The following ZNF140 variants were observed in gnomAD, a reference collection of about 807,000 sequenced individuals.
The protein encoded by ZNF140 is zinc finger protein 140, also known as zinc finger protein 140 (clone pHZ-39).
ZNF140 carries 13 observed loss-of-function variants against 12.9 expected under a neutral mutation model. That is an observed-to-expected ratio of 1.01 (90% CI 0.66 to 1.60). The LOEUF is 1.60. Ranked by LOEUF, ZNF140 falls within the 40% of genes most tolerant of loss-of-function variation. The pLI, the probability that ZNF140 is intolerant of heterozygous loss-of-function variation, is 0.00. For synonymous variants in ZNF140, 214 were observed against 186.7 expected (o/e 1.15, Z -1.19); for missense variants, 531 against 548.8 (o/e 0.97, Z 0.32).
chr12:133,091,244 AC>A (rs1381146670), intron 4 of ZNF140, among the ~76,000 whole-genome samples: 1,790 of 147,398 alleles, frequency 0.012, 65 homozygotes, highest in Admixed American at 0.023. Flanking sequence ...TCTGCAGTGC[AC>A]TGTGCCCTGG....
chr12:133,099,953 C>T (rs1292905802), intron 4 of ZNF140, among the ~76,000 whole-genome samples: 1 of 150,918 alleles, frequency 6.6e-6, no homozygotes, highest in Non-Finnish European at 1.5e-5. Context: ...TTTCTCTCAG[C>T]ACTTCAAATA....
At chr12:133,081,195 T>TC in intron 1 of ZNF140, 78 bp from the exon 2 acceptor site, 2 of 584,644 alleles carry the variant, frequency 3.4e-6, no homozygotes, top group Non-Finnish European at 6.0e-6. Context: ...GCCACGGGAA[T>TC]CCCCAGTGCG....
chr12:133,093,869 C>A (rs1409165352), intron 4 of ZNF140, among the ~76,000 whole-genome samples: 1 of 150,922 alleles, frequency 6.6e-6, no homozygotes, highest in Non-Finnish European at 1.5e-5. Flanking sequence ...TCTGTCTCTT[C>A]CTTTTACACG....
intron 4 of ZNF140, among the ~76,000 whole-genome samples, chr12:133,098,872 T>A (rs1955231078): frequency 6.6e-6 from 1 of 151,406 alleles, no homozygotes. Context: ...CTGGCTAATT[T>A]TTTGTATTTT....
At chr12:133,094,767 C>T (rs1006925430) in intron 4 of ZNF140, among the ~76,000 whole-genome samples, 1 of 151,214 alleles carries the variant, frequency 6.6e-6, no homozygotes, top group South Asian at 2.1e-4. Flanking sequence ...TTTCAGGCTC[C>T]CTCCCCCAGC....
intron 4 of ZNF140, among the ~76,000 whole-genome samples, chr12:133,104,354 AT>A (rs34193332): frequency 6.2e-4 from 89 of 144,318 alleles, no homozygotes; most frequent in East Asian, 2.4e-3. Flanking sequence ...TAAAGATACA[AT>A]TTTTTTTTTT....
chr12:133,106,584 C>T lies in ZNF140; in HGVS notation c.1307C>T (p.Thr436Ile), dbSNP rs1413580084. 3 of 1,613,344 alleles carry T rather than the reference C, an allele frequency of 1.9e-6. No individual in the cohort carries two copies. The stretch of plus-strand genomic sequence containing the variant: ...CTTGCTAAACATCAGAGGACACACA[C>T]TCTTGACAACCCCTATGAATATGAA... ...SNLAKHQRTH[T>I]LDNPYEYENS... Residue 436 changes from threonine (T) to isoleucine (I), a missense_variant, in exon 5 of 5, where the codon ACT (threonine) becomes ATT (isoleucine). Transcript: ENST00000355557.
intron 4 of ZNF140, among the ~76,000 whole-genome samples, chr12:133,096,134 T>G (rs1955112110): frequency 6.6e-6 from 1 of 151,444 alleles, no homozygotes; most frequent in Non-Finnish European, 1.5e-5. Context: ...CCTTGGACAA[T>G]ACCCCGCTTC....
chr12:133,097,004 C>T (rs1955153443), intron 4 of ZNF140, among the ~76,000 whole-genome samples: 1 of 152,204 alleles, frequency 6.6e-6, no homozygotes, highest in Admixed American at 6.5e-5. Context: ...GCTGTTTTAT[C>T]AGGCTCTGCC....
At position 133,083,210 on chromosome 12, in the gene ZNF140, T is replaced by C; in HGVS notation, c.117T>C (p.Tyr39=). ...ACAGATGTGTAATGTTGGAGAACTA[T>C]GGCCATCTGGTCTCACTGGGTAAGT... ...DLYRCVMLEN[Y]GHLVSLGLSI... is the part of the protein sequence containing the mutation. Residue 39 remains tyrosine (Y), a synonymous_variant, in exon 3 of 5, where the codon TAT becomes TAC. Transcript: ENST00000355557. The C allele has an allele frequency of 1.2e-6, 2 of 1,613,756 alleles. No individual in the cohort carries two copies. Among genetic ancestry groups the C allele is most frequent in the East Asian group, 2.2e-5 (1 of 44,876 alleles).
intron 4 of ZNF140, among the ~76,000 whole-genome samples, chr12:133,102,602 AGC>A (rs1422002399): frequency 6.6e-6 from 1 of 152,082 alleles, no homozygotes; most frequent in Non-Finnish European, 1.5e-5. Flanking sequence ...ATAAACCATT[AGC>A]CAGGCGTGGC....
chr12:133,083,289 A>C, intron 3 of ZNF140, 60 bp downstream of exon 3: 1 of 1,569,458 alleles, frequency 6.4e-7, no homozygotes. Flanking sequence ...GGCTGTTATA[A>C]TTATCTGGCT....
At chr12:133,083,700 C>T (rs1178769342) in intron 4 of ZNF140, 139 bp downstream of exon 4, 13 of 775,618 alleles carry the variant, frequency 1.7e-5, no homozygotes, top group East Asian at 8.4e-5. Context: ...TGGCTCATGC[C>T]GGTAATCCCA....
At chr12:133,087,600 T>G (rs1283559513) in intron 4 of ZNF140, among the ~76,000 whole-genome samples, 1 of 151,988 alleles carries the variant, frequency 6.6e-6, no homozygotes, top group East Asian at 1.9e-4. Context: ...TAAACTCCAC[T>G]GCATTCAGAC....
chr12:133,103,956 A>G lies in ZNF140; in HGVS notation c.233-1554A>G, dbSNP rs959043989. On this transcript the variant is annotated intron_variant, in intron 4 of 4. Coordinates refer to ENST00000355557, the MANE Select transcript of ZNF140 (RefSeq NM_003440.4). Reference sequence around the variant, plus strand: ...GCTGTTTCACTGCCTCCCCATCTTGATCTTTCATGTATTTTGTATACCTAC... The same window carrying G: ...GCTGTTTCACTGCCTCCCCATCTTGGTCTTTCATGTATTTTGTATACCTAC... Among the ~76,000 whole-genome samples, 8 of 152,284 alleles carry G rather than the reference A, an allele frequency of 5.3e-5. No individual in the cohort carries two copies. The South Asian group carries it at 1.7e-3, about 32-fold the overall frequency.
chr12:133,090,657 A>T (rs796601497), intron 4 of ZNF140, among the ~76,000 whole-genome samples: 1 of 146,396 alleles, frequency 6.8e-6, no homozygotes, highest in Non-Finnish European at 1.5e-5. Flanking sequence ...CCAGGGGACC[A>T]GCACTCAGCA....
At chr12:133,095,708 A>G (rs981584388) in intron 4 of ZNF140, among the ~76,000 whole-genome samples, 29 of 151,926 alleles carry the variant, frequency 1.9e-4, no homozygotes, top group Non-Finnish European at 3.5e-4. Flanking sequence ...GGTGATAATA[A>G]GGAGAAGGTC....
intron 4 of ZNF140, among the ~76,000 whole-genome samples, chr12:133,094,485 A>G (rs1461277151): frequency 2.6e-5 from 4 of 151,244 alleles, no homozygotes; most frequent in African/African-American, 9.8e-5. Flanking sequence ...TGCTGCATTA[A>G]TGGCTCTCAA....
At chr12:133,098,990 C>G (rs959977030) in intron 4 of ZNF140, among the ~76,000 whole-genome samples, 1 of 151,512 alleles carries the variant, frequency 6.6e-6, no homozygotes, top group African/African-American at 2.4e-5. Context: ...ATTCTTCTGC[C>G]TCAGCCTCCT....
Sources: allele counts gnomAD v4.1 joint callset (sites outside exome capture counted in the v4.1 genomes callset), GRCh38; gene constraint gnomAD v4.1.1; transcripts MANE v1.5; gene names NCBI Gene and HGNC (gene_info 2026-07-23, HGNC 2026-07-21).